Variants in BCKDHB observed in about 807,000 individuals in gnomAD.
BCKDHB encodes the protein 2-oxoisovalerate dehydrogenase subunit beta, mitochondrial.
A neutral mutation model predicts 48.5 loss-of-function variants in BCKDHB; 41 were observed. That is an observed-to-expected ratio of 0.85 (90% CI 0.66 to 1.10). BCKDHB has a LOEUF of 1.10. Among genes scored for constraint, BCKDHB ranks in the 50% least tolerant of loss-of-function variants. The pLI, the probability that BCKDHB is intolerant of heterozygous loss-of-function variation, is 0.00. For synonymous variants in BCKDHB, 201 were observed against 174.8 expected, an observed-to-expected ratio of 1.15 and a Z score of -1.18; for missense variants, 496 against 494.2, an observed-to-expected ratio of 1.00 and a Z score of -0.03.
chr6:80,248,902 A>ATGTGTGTGTGTG (rs3077568), intron 8 of BCKDHB, among the ~76,000 whole-genome samples: 1 of 146,684 alleles, frequency 6.8e-6, no homozygotes, highest in Admixed American at 6.8e-5. Context: ...GTGTGTGTGT[A>ATGTGTGTGTGTG]TGTGTGTGTG....
At chr6:80,163,870 C>G (rs544453531) in intron 3 of BCKDHB, among the ~76,000 whole-genome samples, 3 of 152,326 alleles carry the variant, frequency 2.0e-5, no homozygotes, top group African/African-American at 7.2e-5. Context: ...GTGACTCATA[C>G]TGCACATCCA....
At chr6:80,185,036 A>T (rs1216009235) in intron 6 of BCKDHB, among the ~76,000 whole-genome samples, 3 of 152,192 alleles carry the variant, frequency 2.0e-5, no homozygotes, top group Admixed American at 2.0e-4. Flanking sequence ...AAGTTTTCTG[A>T]ACTTTCAGAT....
chr6:80,171,371 A>G lies in BCKDHB; in HGVS notation c.723A>G (p.Lys241=), dbSNP rs1400274129. 6.3e-7 allele frequency: 1 copy of G among 1,599,896 alleles called. No homozygotes were observed. The highest frequency in any genetic ancestry group is 1.3e-5 in the African/African-American group (1 of 74,566). Residue 241 remains lysine (K), a synonymous_variant, in exon 6 of 10, where the codon AAA becomes AAG. Coordinates refer to ENST00000320393, the MANE Select transcript of BCKDHB (RefSeq NM_183050.4). Reference sequence around the variant, plus strand: ...ATCCTTGTATATTTTTTGAACCTAAAATACTTTACAGGGCAGCAGGTAAAG... The same window carrying G: ...ATCCTTGTATATTTTTTGAACCTAAGATACTTTACAGGGCAGCAGGTAAAG... The part of the protein sequence containing the change: ...DKNPCIFFEP[K]ILYRAAAEEV...
chr6:80,305,290 A>T (rs114037939), intron 9 of BCKDHB, among the ~76,000 whole-genome samples: 2,150 of 152,224 alleles, frequency 0.014, 38 homozygotes, highest in African/African-American at 0.049. Flanking sequence ...ATTATGACTT[A>T]AAATAATTAA....
intron 3 of BCKDHB, among the ~76,000 whole-genome samples, chr6:80,140,909 A>C (rs1264573001): frequency 1.3e-5 from 2 of 152,146 alleles, no homozygotes; most frequent in Admixed American, 6.5e-5. Flanking sequence ...CTCTGGTAGA[A>C]TTCGGCTGTG....
intron 9 of BCKDHB, among the ~76,000 whole-genome samples, chr6:80,327,006 T>C (rs1769063859): frequency 6.6e-6 from 1 of 152,204 alleles, no homozygotes; most frequent in Non-Finnish European, 1.5e-5. Context: ...TTCTTTGTTA[T>C]CGTAAGATTC....
At chr6:80,431,894 A>C in the BCKDHB span, among the ~76,000 whole-genome samples, 1 of 152,226 alleles carries the variant, frequency 6.6e-6, no homozygotes, top group Non-Finnish European at 1.5e-5. Flanking sequence ...ACTGATGGTG[A>C]CAAAATCTCT....
At chr6:80,250,637 A>G (rs1006536189) in intron 8 of BCKDHB, among the ~76,000 whole-genome samples, 1 of 152,192 alleles carries the variant, frequency 6.6e-6, no homozygotes, top group Non-Finnish European at 1.5e-5. Context: ...TTTTGAAACC[A>G]GAAACTGCAT....
chr6:80,200,905 C>T (rs1285499083), intron 6 of BCKDHB, 29 bp from the exon 7 acceptor site: 20 of 1,230,104 alleles, frequency 1.6e-5, no homozygotes, highest in Non-Finnish European at 2.2e-5. Context: ...AAAAAATGTC[C>T]TTTTTTTTTT....
chr6:80,111,747 A>G (rs547077807), intron 1 of BCKDHB, among the ~76,000 whole-genome samples: 7 of 152,366 alleles, frequency 4.6e-5, no homozygotes, highest in Admixed American at 1.3e-4. Context: ...GGTTTTATAT[A>G]TATGCATACA....
intron 9 of BCKDHB, chr6:80,307,771 A>G (rs1481529403): frequency 1.0e-6 from 1 of 983,312 alleles, no homozygotes; most frequent in South Asian, 4.7e-5. Flanking sequence ...TGAAGCACAC[A>G]CTTCATAATG....
intron 3 of BCKDHB, among the ~76,000 whole-genome samples, chr6:80,143,644 T>C (rs563594080): frequency 5.3e-5 from 8 of 152,278 alleles, no homozygotes; most frequent in Admixed American, 4.6e-4. Context: ...GGTTGGCAAA[T>C]GTCATGTGCT....
intron 8 of BCKDHB, among the ~76,000 whole-genome samples, chr6:80,209,370 A>AT (rs1342750484): frequency 1.8e-4 from 28 of 152,104 alleles, no homozygotes; most frequent in African/African-American, 6.0e-4. Flanking sequence ...AGTGGATTGT[A>AT]AGGCCAAGAA....
chr6:80,310,081 TTC>T (rs1768078376), intron 9 of BCKDHB, among the ~76,000 whole-genome samples: 1 of 151,800 alleles, frequency 6.6e-6, no homozygotes, highest in Non-Finnish European at 1.5e-5. Flanking sequence ...ATACAACATT[TTC>T]TTTTTTTTTT....
chr6:80,115,438 C>A (rs1769639611), intron 1 of BCKDHB, among the ~76,000 whole-genome samples: 1 of 152,066 alleles, frequency 6.6e-6, no homozygotes. Context: ...CATACCTGGT[C>A]AATAGAAAGG....
intron 9 of BCKDHB, among the ~76,000 whole-genome samples, chr6:80,334,100 T>A (rs567772959): frequency 2.0e-5 from 3 of 152,214 alleles, no homozygotes; most frequent in African/African-American, 7.2e-5. Context: ...AATGTGAAAA[T>A]GTGTGCATGC....
At chr6:80,192,896 G>T (rs1260051143) in intron 6 of BCKDHB, among the ~76,000 whole-genome samples, 1 of 149,540 alleles carries the variant, frequency 6.7e-6, no homozygotes, top group Non-Finnish European at 1.5e-5. Flanking sequence ...TCAGCTCACT[G>T]CAACCTCCAT....
intron 9 of BCKDHB, among the ~76,000 whole-genome samples, chr6:80,291,539 A>G (rs1316767637): frequency 6.6e-6 from 1 of 152,208 alleles, no homozygotes; most frequent in East Asian, 1.9e-4. Context: ...ACTAAATAAG[A>G]AGGTTTTCCA....
the BCKDHB span, among the ~76,000 whole-genome samples, chr6:80,351,962 C>T: frequency 6.6e-6 from 1 of 151,816 alleles, no homozygotes; most frequent in Non-Finnish European, 1.5e-5. Flanking sequence ...GCTGGGATTA[C>T]AGGCATGTGC....
Sources: allele counts gnomAD v4.1 joint callset (sites outside exome capture counted in the v4.1 genomes callset), GRCh38; gene constraint gnomAD v4.1.1; transcripts MANE v1.5; gene names NCBI Gene and HGNC (gene_info 2026-07-23, HGNC 2026-07-21).